FBXO11: variants seen among roughly 807,000 people sequenced by gnomAD.
FBXO11 encodes F-box only protein 11.
FBXO11 carries 13 observed loss-of-function variants against 117.0 expected under a neutral mutation model. The observed-to-expected ratio is 0.11, with a 90% CI of 0.07 to 0.18. FBXO11 has a LOEUF of 0.18. Among genes scored for constraint, FBXO11 ranks in the 10% least tolerant of loss-of-function variants. The pLI is 1.00. For missense variants in FBXO11, 767 were observed against 1,164.4 expected, an observed-to-expected ratio of 0.66 and a Z score of 4.97; for synonymous variants, 490 against 380.5, an observed-to-expected ratio of 1.29 and a Z score of -3.35.
intron 1 of FBXO11, among the ~76,000 whole-genome samples, chr2:47,889,905 C>G (rs1360606649): frequency 2.0e-5 from 3 of 152,156 alleles, no homozygotes; most frequent in Non-Finnish European, 4.4e-5. Context: ...CATCATTCAA[C>G]AGGCTTGTGA....
chr2:47,831,778 T>C (rs1672210778), intron 11 of FBXO11, among the ~76,000 whole-genome samples: 1 of 152,220 alleles, frequency 6.6e-6, no homozygotes, highest in African/African-American at 2.4e-5. Context: ...ACACAGTATA[T>C]TCCATAAGGA....
Position 47,842,195 on chromosome 2 carries a change from T to TG in FBXO11, c.233-2427dup, listed in dbSNP as rs565119004. On this transcript the variant is annotated intron_variant, in intron 1 of 22. Transcript: ENST00000403359. ...TATGGCCAGCTAATTTTTGTATTTT[T>TG]GATAGAGACGGGGTTTCACAATGTT... Among the ~76,000 whole-genome samples, 323 of 151,630 alleles carry TG rather than the reference T, an allele frequency of 2.1e-3. 1 individual carries two copies. Among genetic ancestry groups the TG allele is most frequent in the Non-Finnish European group, 3.9e-3 (264 of 67,898 alleles).
At chr2:47,825,183 C>T (rs1279302142) in intron 11 of FBXO11, among the ~76,000 whole-genome samples, 1 of 151,986 alleles carries the variant, frequency 6.6e-6, no homozygotes, top group African/African-American at 2.4e-5. Flanking sequence ...AACAGGCCTC[C>T]AAGAATAACA....
At chr2:47,853,354 G>C (rs1001202422) in intron 1 of FBXO11, among the ~76,000 whole-genome samples, 2 of 152,094 alleles carry the variant, frequency 1.3e-5, no homozygotes, top group African/African-American at 4.8e-5. Flanking sequence ...ACAGGCATGA[G>C]CCACCGTGCC....
At chr2:47,848,950 T>G (rs1673628167) in intron 1 of FBXO11, among the ~76,000 whole-genome samples, 1 of 152,190 alleles carries the variant, frequency 6.6e-6, no homozygotes, top group Non-Finnish European at 1.5e-5. Context: ...TTTATGGAAT[T>G]TAATTGACAG....
Position 47,856,281 on chromosome 2 carries a change from G to A in FBXO11, c.233-16512C>T, listed in dbSNP as rs531294735. On this transcript the variant is annotated intron_variant, in intron 1 of 22. Coordinates refer to ENST00000403359, the MANE Select transcript of FBXO11 (RefSeq NM_001190274.2). ...TTCCAGACACACAGAGACTTATAAAGTTAATCTTCTCCACAATCTTTCTTA... is the reference window on the plus strand; with the variant it reads ...TTCCAGACACACAGAGACTTATAAAATTAATCTTCTCCACAATCTTTCTTA... Among the ~76,000 whole-genome samples the A allele has an allele frequency of 3.4e-4, 52 of 152,250 alleles. 1 individual carries two copies. Among genetic ancestry groups the A allele is most frequent in the African/African-American group, 1.0e-3 (42 of 41,558 alleles).
intron 1 of FBXO11, among the ~76,000 whole-genome samples, chr2:47,869,109 G>A (rs1288510216): frequency 6.6e-6 from 1 of 152,176 alleles, no homozygotes; most frequent in Non-Finnish European, 1.5e-5. Flanking sequence ...GCTATATACA[G>A]TGTTATTTCT....
At chr2:47,821,208 A>T (rs917256571) in intron 13 of FBXO11, among the ~76,000 whole-genome samples, 1 of 152,148 alleles carries the variant, frequency 6.6e-6, no homozygotes, top group African/African-American at 2.4e-5. Flanking sequence ...GTGGTGGCTC[A>T]TACCTGTAAT....
intron 1 of FBXO11, among the ~76,000 whole-genome samples, chr2:47,901,763 T>C (rs1013378794): frequency 6.6e-6 from 1 of 152,116 alleles, no homozygotes; most frequent in East Asian, 1.9e-4. Context: ...CTTTGTAATA[T>C]CTAAAAAAAT....
chr2:47,886,556 A>C (rs963459352), intron 1 of FBXO11, among the ~76,000 whole-genome samples: 14 of 152,134 alleles, frequency 9.2e-5, no homozygotes, highest in African/African-American at 3.4e-4. Flanking sequence ...TAAACATGTA[A>C]AGATATTTGT....
At chr2:47,832,727 G>A in intron 9 of FBXO11, 42 bp downstream of exon 9, 1 of 1,607,170 alleles carries the variant, frequency 6.2e-7, no homozygotes, top group Non-Finnish European at 8.5e-7. Flanking sequence ...GCAACATACA[G>A]TGACTCAAAA....
intron 3 of FBXO11, among the ~76,000 whole-genome samples, chr2:47,839,217 G>A (rs1027717137): frequency 2.6e-5 from 4 of 151,700 alleles, no homozygotes; most frequent in Admixed American, 6.6e-5. Context: ...TCTCAGAAAT[G>A]GTTAAAATAA....
intron 11 of FBXO11, among the ~76,000 whole-genome samples, chr2:47,828,647 G>C (rs568746910): frequency 4.1e-4 from 62 of 151,184 alleles, no homozygotes; most frequent in Non-Finnish European, 6.8e-4. Context: ...GCATTCAAGA[G>C]TTTCACAAGA....
intron 1 of FBXO11, among the ~76,000 whole-genome samples, chr2:47,845,344 T>C (rs1439132036): frequency 2.0e-5 from 3 of 152,206 alleles, no homozygotes; most frequent in Non-Finnish European, 2.9e-5. Context: ...AACTTCCCAC[T>C]TGTAAACACT....
intron 1 of FBXO11, among the ~76,000 whole-genome samples, chr2:47,865,326 T>G (rs921494193): frequency 1.3e-5 from 2 of 152,202 alleles, no homozygotes; most frequent in Non-Finnish European, 2.9e-5. Flanking sequence ...TTTTGGCCAA[T>G]GGGCTACATG....
intron 13 of FBXO11, among the ~76,000 whole-genome samples, chr2:47,820,958 G>C (rs527886616): frequency 1.3e-5 from 2 of 152,162 alleles, no homozygotes; most frequent in Non-Finnish European, 1.5e-5. Context: ...TCTACTGATT[G>C]TTTGCTGATT....
At chr2:47,827,979 A>G (rs1440082947) in intron 11 of FBXO11, among the ~76,000 whole-genome samples, 1 of 152,006 alleles carries the variant, frequency 6.6e-6, no homozygotes, top group African/African-American at 2.4e-5. Context: ...TTACAGAGCT[A>G]CCAAGCCCGG....
intron 1 of FBXO11, among the ~76,000 whole-genome samples, chr2:47,901,063 G>GTATA (rs562381351): frequency 1.9e-5 from 2 of 107,604 alleles, no homozygotes; most frequent in South Asian, 2.6e-4. Context: ...ACATATATAT[G>GTATA]TATATATATA....
chr2:47,902,194 A>G (rs542171359), intron 1 of FBXO11, among the ~76,000 whole-genome samples: 52 of 152,214 alleles, frequency 3.4e-4, no homozygotes, highest in African/African-American at 1.2e-3. Context: ...TCGACCTCCC[A>G]AAGTGCTGGG....
Sources: gnomAD v4.1 joint callset for allele counts (sites outside exome capture counted in the v4.1 genomes callset) on GRCh38, gnomAD v4.1.1 for gene constraint, MANE v1.5 for transcripts, NCBI Gene and HGNC (gene_info 2026-07-23, HGNC 2026-07-21) for gene names.